Variants in PTPN9 observed in about 807,000 individuals in gnomAD.
The protein encoded by PTPN9 is tyrosine-protein phosphatase non-receptor type 9.
In PTPN9, 26 loss-of-function variants were observed where a neutral mutation model predicts 69.8. The observed-to-expected ratio is 0.37, with a 90% CI of 0.27 to 0.52. The LOEUF (loss-of-function observed/expected upper bound fraction) is 0.52, where lower values mean the gene tolerates loss of function less well. Ranked by LOEUF, PTPN9 falls within the 20% of genes least tolerant of loss-of-function variation. PTPN9 has a pLI of 0.91. For missense variants in PTPN9, 549 were observed against 740.3 expected (o/e 0.74, Z 3.00); for synonymous variants, 274 against 272.5 (o/e 1.01, Z -0.05).
chr15:75,550,104 C>T (rs1476861778), intron 1 of PTPN9, among the ~76,000 whole-genome samples: 1 of 151,142 alleles, frequency 6.6e-6, no homozygotes, highest in Non-Finnish European at 1.5e-5. Context: ...TTCAAAACAG[C>T]AGAGACCCTA....
In PTPN9 at chr15:75,578,875, G is replaced by A; in HGVS notation, c.-99C>T. 3.5e-6 allele frequency: 3 copies of A among 845,784 alleles called. No homozygotes were observed. Among genetic ancestry groups the A allele is most frequent in the Non-Finnish European group, 4.6e-6 (3 of 653,484 alleles). 52.4% of individuals were successfully genotyped at this position (845,784 alleles called of 1,614,324 possible). A position where few individuals can be genotyped will look rare whatever the true frequency, so the allele number is the denominator to read the frequency against. ...CCGCGTCCCCGCGCCTCAGCAGCCC[G>A]GGGCCGGCTCGCGCATAGTGTGGCC... On this transcript the variant is annotated 5_prime_UTR_variant, in exon 1 of 13. Transcript: ENST00000618819.
chr15:75,573,742 G>A (rs2075159377), intron 1 of PTPN9, among the ~76,000 whole-genome samples: 1 of 152,196 alleles, frequency 6.6e-6, no homozygotes. Context: ...CATATGATGG[G>A]GAGCAAAAGC....
chr15:75,505,008 T>G (rs1172965601), intron 7 of PTPN9, among the ~76,000 whole-genome samples: 2 of 151,952 alleles, frequency 1.3e-5, no homozygotes, highest in African/African-American at 4.8e-5. Flanking sequence ...GGCGGTTTTG[T>G]GGAATAGAAA....
At chr15:75,530,116 C>T (rs1432660775) in intron 1 of PTPN9, among the ~76,000 whole-genome samples, 2 of 147,466 alleles carry the variant, frequency 1.4e-5, no homozygotes, top group Non-Finnish European at 3.0e-5. Context: ...GCAGAAGAAT[C>T]GCTTGAACCA....
chr15:75,523,039 G>T (rs1327636073), intron 4 of PTPN9, 82 bp downstream of exon 4: 2 of 1,503,162 alleles, frequency 1.3e-6, no homozygotes, highest in Non-Finnish European at 1.8e-6. Context: ...AATGGCGAAG[G>T]CACTGCTGAA....
Position 75,488,253 on chromosome 15 carries a change from C to T in PTPN9, c.1062+1955G>A, listed in dbSNP as rs532655448. ...CTGAGATTGCGCCATTGCACTCCAG[C>T]CTGGACAACAAGAGCGAAACTCTGT... On this transcript the variant is annotated intron_variant, in intron 8 of 12. Transcript: ENST00000618819. 2.0e-5 allele frequency among the ~76,000 whole-genome samples: 3 copies of T among 151,938 alleles called. No homozygotes were observed. In the South Asian group the frequency reaches 6.2e-4, roughly 32 times the overall value.
In PTPN9 at chr15:75,504,345, C is replaced by T. The variant is rs1165042914; in HGVS notation, c.968+1330G>A. The stretch of plus-strand genomic sequence containing the variant: ...CGCCCCTACTGGGAAGTGAGGAGCC[C>T]CTCTGCCGGGCCAGCCACCCCGTCC... On this transcript the variant is annotated intron_variant, in intron 7 of 12. Coordinates refer to ENST00000618819, the MANE Select transcript of PTPN9 (RefSeq NM_002833.4). 1.1e-4 allele frequency among the ~76,000 whole-genome samples: 13 copies of T among 118,384 alleles called. No homozygotes were observed. In the East Asian group the frequency reaches 3.3e-3, roughly 30 times the overall value. The allele number at this position is 118,384 out of a possible 152,430, so 77.7% of individuals were successfully genotyped here.
chr15:75,547,885 C>T (rs1013540927), intron 1 of PTPN9, among the ~76,000 whole-genome samples: 3 of 152,072 alleles, frequency 2.0e-5, no homozygotes, highest in East Asian at 1.9e-4. Flanking sequence ...AGGCTATTGT[C>T]GAACTCCTGA....
intron 7 of PTPN9, among the ~76,000 whole-genome samples, chr15:75,502,115 AGAAAAG>A (rs1375173530): frequency 1.3e-5 from 2 of 152,120 alleles, no homozygotes; most frequent in African/African-American, 4.8e-5. Context: ...ATAAAAGAAA[AGAAAAG>A]GAGAAGAGAA....
At chr15:75,476,140 C>T (rs1046986525) in intron 9 of PTPN9, among the ~76,000 whole-genome samples, 1 of 152,080 alleles carries the variant, frequency 6.6e-6, no homozygotes, top group African/African-American at 2.4e-5. Flanking sequence ...GCCTAGGTGA[C>T]AGAGTGAGAC....
chr15:75,463,352 T>G lies in PTPN9; in HGVS notation c.*5417A>C, dbSNP rs1436568918. On this transcript the variant is annotated 3_prime_UTR_variant, in exon 13 of 13. Coordinates refer to ENST00000618819, the MANE Select transcript of PTPN9 (RefSeq NM_002833.4). Reference sequence around the variant, plus strand: ...CCCAGATGAAATGGCTGACCTTTACTCAGGTGCACATCTGGCCAGTCTTGA... The same window carrying G: ...CCCAGATGAAATGGCTGACCTTTACGCAGGTGCACATCTGGCCAGTCTTGA... 6.6e-6 allele frequency: 1 copy of G among 152,160 alleles called. No homozygotes were observed. The highest frequency in any genetic ancestry group is 1.5e-5 in the Non-Finnish European group (1 of 68,036). 9.4% of individuals were successfully genotyped at this position (152,160 alleles called of 1,614,324 possible).
chr15:75,508,887 T>A, intron 6 of PTPN9, 30 bp downstream of exon 6: 1 of 1,510,460 alleles, frequency 6.6e-7, no homozygotes, highest in Non-Finnish European at 9.2e-7. Context: ...TCTATTCACC[T>A]CCAGATAAAA....
chr15:75,572,694 G>T (rs563105940), intron 1 of PTPN9, among the ~76,000 whole-genome samples: 1 of 151,730 alleles, frequency 6.6e-6, no homozygotes, highest in Non-Finnish European at 1.5e-5. Flanking sequence ...GCGACAGAGC[G>T]AGACTCTGTC....
intron 1 of PTPN9, among the ~76,000 whole-genome samples, chr15:75,563,368 T>C (rs559069812): frequency 1.3e-5 from 2 of 152,274 alleles, no homozygotes; most frequent in South Asian, 2.1e-4. Context: ...TTGGTATTTT[T>C]AGTAGAGAAA....
intron 9 of PTPN9, among the ~76,000 whole-genome samples, chr15:75,478,082 G>A (rs1421917309): frequency 4.6e-5 from 7 of 151,482 alleles, no homozygotes; most frequent in Admixed American, 3.3e-4. Context: ...CTTGTGATCC[G>A]CCTGCCTCGG....
chr15:75,508,656 C>G (rs2074831891), intron 6 of PTPN9, among the ~76,000 whole-genome samples: 1 of 152,206 alleles, frequency 6.6e-6, no homozygotes, highest in East Asian at 1.9e-4. Flanking sequence ...TCAGTACTAT[C>G]TTATGCAAGG....
intron 5 of PTPN9, among the ~76,000 whole-genome samples, chr15:75,511,864 T>C (rs1279404914): frequency 8.2e-6 from 1 of 121,696 alleles, no homozygotes; most frequent in African/African-American, 3.6e-5. Flanking sequence ...TGAGACTCAC[T>C]TTAATATTTT....
Position 75,578,732 on chromosome 15 carries a change from C to A in PTPN9, c.45G>T (p.Leu15=). ...TAPRPDMAPE[L]TPEEEQATKQ... is the part of the protein sequence containing the mutation. ...CGCTTACCTGCTCCTCCTCCGGGGT[C>A]AGCTCCGGCGCCATGTCGGGCCGGG... The change falls in exon 1 of 13, where the codon CTG becomes CTT. Residue 15 remains leucine (L), a synonymous_variant. Transcript: ENST00000618819. 1 of 1,360,484 alleles carries A rather than the reference C, an allele frequency of 7.4e-7. No homozygotes were observed. The highest frequency in any genetic ancestry group is 9.5e-7 in the Non-Finnish European group (1 of 1,054,212). 84.3% of individuals were successfully genotyped at this position (1,360,484 alleles called of 1,614,324 possible).
At chr15:75,575,826 G>T (rs1221720318) in intron 1 of PTPN9, among the ~76,000 whole-genome samples, 1 of 144,854 alleles carries the variant, frequency 6.9e-6, no homozygotes, top group Non-Finnish European at 1.5e-5. Flanking sequence ...GGCTGAGACA[G>T]AAGAATGGCA....
Sources: gnomAD v4.1 joint callset for allele counts (sites outside exome capture counted in the v4.1 genomes callset) on GRCh38, gnomAD v4.1.1 for gene constraint, MANE v1.5 for transcripts, NCBI Gene and HGNC (gene_info 2026-07-23, HGNC 2026-07-21) for gene names.